Variants in PHACTR2 observed in about 807,000 individuals in gnomAD.
The protein encoded by PHACTR2 is chromosome 6 open reading frame 56.
PHACTR2 carries 30 observed loss-of-function variants against 76.0 expected under a neutral mutation model. The observed-to-expected ratio is 0.39, with a 90% CI of 0.30 to 0.54. The LOEUF is 0.54. PHACTR2 is among the 20% of genes least tolerant of loss of function. PHACTR2 has a pLI of 0.61. For synonymous variants in PHACTR2, 292 were observed against 292.5 expected (o/e 1.00, Z 0.02); for missense variants, 696 against 781.1 (o/e 0.89, Z 1.30).
Position 143,608,280 on chromosome 6 carries a change from C to T in PHACTR2, c.-30C>T. On this transcript the variant is annotated 5_prime_UTR_variant, in exon 1 of 12. Transcript: ENST00000305766. This position sits in a 1 kb window ranked among gnomAD's most constrained non-coding sequence, Gnocchi z 4.6. Reference sequence around the variant, plus strand: ...GAGCCAGGGCTTCCCGGCTGCCAGGCTACAGAACTCGCCTCGCCACTCCTG... The same window carrying T: ...GAGCCAGGGCTTCCCGGCTGCCAGGTTACAGAACTCGCCTCGCCACTCCTG... 1 of 1,613,800 alleles carries T rather than the reference C, an allele frequency of 6.2e-7. No homozygotes were observed.
In PHACTR2 at chr6:143,826,593, T is replaced by C. The variant is rs1776534558; in HGVS notation, c.*2904T>C. ...CAAAGTGACCATTTTAGTTTTTTTA[T>C]TGGAGAATAAAACATTAATATTAGG... On this transcript the variant is annotated 3_prime_UTR_variant, in exon 13 of 13. Coordinates refer to ENST00000440869, the MANE Select transcript of PHACTR2 (RefSeq NM_001100164.2). 6.6e-6 allele frequency: 1 copy of C among 150,538 alleles called. No homozygotes were observed. Among genetic ancestry groups the C allele is most frequent in the Non-Finnish European group, 1.5e-5 (1 of 67,666 alleles). The allele number at this position is 150,538 out of a possible 1,614,324, so 9.3% of individuals were successfully genotyped here.
intron 2 of PHACTR2, among the ~76,000 whole-genome samples, chr6:143,747,778 A>T (rs913537190): frequency 6.6e-6 from 1 of 152,200 alleles, no homozygotes; most frequent in Non-Finnish European, 1.5e-5. Context: ...GTTCTGCAGA[A>T]CACGCTTTGG....
chr6:143,728,216 C>CTT lies in PHACTR2; in HGVS notation c.214+16051_214+16052dup, dbSNP rs548709835. Among the ~76,000 whole-genome samples, 133 of 83,696 alleles carry CTT rather than the reference C, an allele frequency of 1.6e-3. 1 individual carries two copies. The highest frequency in any genetic ancestry group is 4.0e-3 in the African/African-American group (77 of 19,410). The allele number at this position is 83,696 out of a possible 152,430, so 54.9% of individuals were successfully genotyped here. A position where few individuals can be genotyped will look rare whatever the true frequency, so the allele number is the denominator to read the frequency against. ...CTTTCTTTCCTTTTTTTTTTTCTTT[C>CTT]TTTTTTTTTTTTTTTTTTTGAGACA... is the stretch of plus-strand genomic sequence containing the variant. On this transcript the variant is annotated intron_variant, in intron 2 of 12. Transcript: ENST00000440869.
At position 143,592,547 on chromosome 6, in the gene PHACTR2, C is replaced by G. The variant is rs972931642; in HGVS notation, c.217+55340C>G. Among the ~76,000 whole-genome samples, 4 of 152,152 alleles carry G rather than the reference C, an allele frequency of 2.6e-5. No homozygotes were observed. The highest frequency in any genetic ancestry group is 9.7e-5 in the African/African-American group (4 of 41,434). On this transcript the variant is annotated intron_variant, in intron 1 of 11. Transcript: ENST00000367584. The surrounding 1 kb of genome is among the most constrained non-coding windows in gnomAD (Gnocchi z 4.0). ...CGACTAATACTCTATAGGGGCCATT[C>G]CCTTGATTTGGTCACTCATCCTCTT... is the stretch of plus-strand genomic sequence containing the variant.
In PHACTR2 at chr6:143,633,159, T is replaced by C. The variant is rs962090878; in HGVS notation, c.13+24837T>C. On this transcript the variant is annotated intron_variant, in intron 1 of 11. Transcript: ENST00000305766. This position sits in a 1 kb window ranked among gnomAD's most constrained non-coding sequence, Gnocchi z 4.1. ...ATTGCTGAATCATAGGGTGAGAGTA[T>C]ATTTAGTTTTATAAGAAACTGCTAA... Among the ~76,000 whole-genome samples, 8 of 152,178 alleles carry C rather than the reference T, an allele frequency of 5.3e-5. No homozygotes were observed. The highest frequency in any genetic ancestry group is 1.2e-4 in the Non-Finnish European group (8 of 68,020).
intron 2 of PHACTR2, among the ~76,000 whole-genome samples, chr6:143,713,882 G>C (rs1778241635): frequency 6.6e-6 from 1 of 152,206 alleles, no homozygotes; most frequent in Non-Finnish European, 1.5e-5. Flanking sequence ...GACTACCCAA[G>C]ATGGGAGCAG....
At chr6:143,707,611 A>AC (rs1778083193) in intron 1 of PHACTR2, among the ~76,000 whole-genome samples, 1 of 152,238 alleles carries the variant, frequency 6.6e-6, no homozygotes, top group Non-Finnish European at 1.5e-5. Context: ...TAAATAGTAT[A>AC]AACATACAAC....
chr6:143,781,936 T>C (rs1775441836), intron 9 of PHACTR2, among the ~76,000 whole-genome samples: 1 of 152,238 alleles, frequency 6.6e-6, no homozygotes, highest in Non-Finnish European at 1.5e-5. Flanking sequence ...AAAGTTATTA[T>C]TTCAGAAGAA....
At chr6:143,677,352 A>G (rs1048458118), upstream of PHACTR2, among the ~76,000 whole-genome samples, 2 of 152,164 alleles carry the variant, frequency 1.3e-5, no homozygotes, top group African/African-American at 4.8e-5. Context: ...GGTTTAATTC[A>G]CCTTTCAAGT....
At chr6:143,716,991 T>C (rs1174854627) in intron 2 of PHACTR2, among the ~76,000 whole-genome samples, 3 of 152,172 alleles carry the variant, frequency 2.0e-5, no homozygotes, top group Non-Finnish European at 4.4e-5. Flanking sequence ...GGGACTTTGC[T>C]CCTGTCACTT....
Position 143,683,785 on chromosome 6 carries a change from T to C in PHACTR2, c.46+5576T>C, listed in dbSNP as rs1777451301. Among the ~76,000 whole-genome samples the C allele has an allele frequency of 6.6e-6, 1 of 152,198 alleles. No homozygotes were observed. Among genetic ancestry groups the C allele is most frequent in the Non-Finnish European group, 1.5e-5 (1 of 68,042 alleles). On this transcript the variant is annotated intron_variant, in intron 1 of 12. Transcript: ENST00000440869. This position sits in a 1 kb window ranked among gnomAD's most constrained non-coding sequence, Gnocchi z 4.1. Reference sequence around the variant, plus strand: ...TGGTAGGAAGTCAAACATTACAAGATGGTTTGGGATAAAAATGAATTTACT... The same window carrying C: ...TGGTAGGAAGTCAAACATTACAAGACGGTTTGGGATAAAAATGAATTTACT...
intron 1 of PHACTR2, among the ~76,000 whole-genome samples, chr6:143,629,487 A>C (rs1205639438): frequency 6.6e-6 from 1 of 152,174 alleles, no homozygotes; most frequent in Non-Finnish European, 1.5e-5. Flanking sequence ...GGAGAAATAC[A>C]GTTTGGCATC....
intron 1 of PHACTR2, among the ~76,000 whole-genome samples, chr6:143,565,396 A>C (rs1252355485): frequency 6.6e-6 from 1 of 152,176 alleles, no homozygotes; most frequent in Non-Finnish European, 1.5e-5. Context: ...AGGTGGGCGG[A>C]TCACGAGGTC....
chr6:143,638,235 T>C (rs1467570139), intron 1 of PHACTR2, among the ~76,000 whole-genome samples: 1 of 152,184 alleles, frequency 6.6e-6, no homozygotes, highest in Non-Finnish European at 1.5e-5. Context: ...GTGATCGCTA[T>C]GGCTTAAAAA....
chr6:143,818,136 TAATC>T lies in PHACTR2; in HGVS notation c.1923-5534_1923-5531del, dbSNP rs1214441131. ...TGTGTCAATTAAAAATATAATAAAATAATCAATAAAAAATTTAAATAAAATTTGA... is the reference window on the plus strand; with the variant it reads ...TGTGTCAATTAAAAATATAATAAAATAATAAAAAATTTAAATAAAATTTGA... On this transcript the variant is annotated intron_variant, in intron 12 of 12. Transcript: ENST00000440869. This position sits in a 1 kb window ranked among gnomAD's most constrained non-coding sequence, Gnocchi z 4.9. Among the ~76,000 whole-genome samples, 8 of 152,222 alleles carry T rather than the reference TAATC, an allele frequency of 5.3e-5. No individual in the cohort carries two copies. The South Asian group carries it at 6.2e-4, about 12-fold the overall frequency.
intron 1 of PHACTR2, among the ~76,000 whole-genome samples, chr6:143,645,373 G>C (rs142120028): frequency 6.6e-6 from 1 of 152,174 alleles, no homozygotes; most frequent in Admixed American, 6.5e-5. Context: ...CATTCGCAGT[G>C]ACCTGGTTGA....
rs1427127162 is a variant in PHACTR2, at chr6:143,537,473, G to A, written c.217+266G>A. ...GGGCGAGTGTGCAGCCTGGGTTGGG[G>A]TAGGGAGCGCTCCCTCTCGGCTGCA... On this transcript the variant is annotated intron_variant, in intron 1 of 11. Transcript: ENST00000367584. This position sits in a 1 kb window ranked among gnomAD's most constrained non-coding sequence, Gnocchi z 4.4. Among the ~76,000 whole-genome samples, 1 of 152,180 alleles carries A rather than the reference G, an allele frequency of 6.6e-6. No individual in the cohort carries two copies. Among genetic ancestry groups the A allele is most frequent in the Non-Finnish European group, 1.5e-5 (1 of 68,022 alleles).
Position 143,827,578 on chromosome 6 carries a change from G to A in PHACTR2, c.*3889G>A, listed in dbSNP as rs1776574426. The A allele has an allele frequency of 6.6e-6, 1 of 152,078 alleles. No homozygotes were observed. The highest frequency in any genetic ancestry group is 1.5e-5 in the Non-Finnish European group (1 of 68,012). The allele number at this position is 152,078 out of a possible 1,614,324, so 9.4% of individuals were successfully genotyped here. On this transcript the variant is annotated 3_prime_UTR_variant, in exon 13 of 13. Transcript: ENST00000440869. ...ATGTCATTTACCCCTGAGTATGGTA[G>A]AATTGTTAAAGCATTCTTAAATTCC...
intron 2 of PHACTR2, among the ~76,000 whole-genome samples, chr6:143,718,751 T>A (rs968295381): frequency 2.6e-5 from 4 of 152,148 alleles, no homozygotes; most frequent in Non-Finnish European, 5.9e-5. Context: ...ATCTAGAAAG[T>A]AGGGCGAAGT....
Sources: gnomAD v4.1 joint callset for allele counts (sites outside exome capture counted in the v4.1 genomes callset) on GRCh38, gnomAD v4.1.1 for gene constraint, Gnocchi (gnomAD v3.1) non-coding constraint, MANE v1.5 for transcripts, NCBI Gene and HGNC (gene_info 2026-07-23, HGNC 2026-07-21) for gene names.